FBLN2: variants seen among roughly 807,000 people sequenced by gnomAD.
The protein encoded by FBLN2 is fibulin-2.
A neutral mutation model predicts 123.7 loss-of-function variants in FBLN2; 81 were observed. The observed-to-expected ratio is 0.65, with a 90% CI of 0.55 to 0.79. FBLN2 has a LOEUF of 0.79. Among genes scored for constraint, FBLN2 ranks in the 30% least tolerant of loss-of-function variants. The pLI is 0.00. For missense variants in FBLN2, 1,603 were observed against 1,681.3 expected, an observed-to-expected ratio of 0.95 and a Z score of 0.81; for synonymous variants, 699 against 701.4, an observed-to-expected ratio of 1.00 and a Z score of 0.05.
intron 1 of FBLN2, among the ~76,000 whole-genome samples, chr3:13,563,812 G>A (rs1441740280): frequency 6.6e-6 from 1 of 152,198 alleles, no homozygotes; most frequent in Non-Finnish European, 1.5e-5. Context: ...TATAGAAGAG[G>A]CAGGTCCTAA....
chr3:13,592,018 CTTTTTT>C (rs869103466), intron 2 of FBLN2, among the ~76,000 whole-genome samples: 281 of 131,990 alleles, frequency 2.1e-3, no homozygotes, highest in Middle Eastern at 3.9e-3. Flanking sequence ...CCTCTCTTTT[CTTTTTT>C]TTTTTTTTTT....
intron 15 of FBLN2, 30 bp downstream of exon 15, chr3:13,630,845 C>T: frequency 6.6e-7 from 1 of 1,504,948 alleles, no homozygotes; most frequent in Non-Finnish European, 9.1e-7. Flanking sequence ...GGGCCCCCTT[C>T]CAGAGAGTCA....
At chr3:13,617,035 T>C (rs1368924061) in intron 5 of FBLN2, among the ~76,000 whole-genome samples, 1 of 152,220 alleles carries the variant, frequency 6.6e-6, no homozygotes, top group East Asian at 1.9e-4. Context: ...TTTGTGGATC[T>C]GACCCTGTCC....
intron 1 of FBLN2, among the ~76,000 whole-genome samples, chr3:13,562,111 A>G (rs1703625339): frequency 6.6e-6 from 1 of 152,184 alleles, no homozygotes; most frequent in South Asian, 2.1e-4. Flanking sequence ...CCAGTGAACT[A>G]GATGACTTCC....
At chr3:13,579,176 G>A (rs1704241163) in intron 2 of FBLN2, among the ~76,000 whole-genome samples, 1 of 152,248 alleles carries the variant, frequency 6.6e-6, no homozygotes, top group African/African-American at 2.4e-5. Context: ...CCATCCTAGT[G>A]TGTATGAAAT....
At chr3:13,628,439 G>A (rs572096061) in intron 11 of FBLN2, among the ~76,000 whole-genome samples, 24 of 152,226 alleles carry the variant, frequency 1.6e-4, no homozygotes, top group South Asian at 2.1e-4. Flanking sequence ...ATTCCATGCC[G>A]TACTCGAGGG....
chr3:13,550,416 T>C (rs1037309), intron 1 of FBLN2, among the ~76,000 whole-genome samples: 127,120 of 152,264 alleles, frequency 0.83, 53,274 homozygotes, highest in East Asian at 1. Context: ...TTTGCAGTGA[T>C]CACTTGGGCC....
At chr3:13,600,460 C>T (rs1049637748) in intron 2 of FBLN2, among the ~76,000 whole-genome samples, 1 of 152,026 alleles carries the variant, frequency 6.6e-6, no homozygotes, top group Non-Finnish European at 1.5e-5. Flanking sequence ...AAAGCAGAGC[C>T]ACCTCTCGAG....
intron 2 of FBLN2, among the ~76,000 whole-genome samples, chr3:13,582,232 C>G (rs916642016): frequency 6.6e-6 from 1 of 152,154 alleles, no homozygotes; most frequent in African/African-American, 2.4e-5. Flanking sequence ...ATCCTGTTCA[C>G]GCACCCAGGC....
At chr3:13,607,246 A>G (rs975971744) in intron 2 of FBLN2, among the ~76,000 whole-genome samples, 3 of 152,184 alleles carry the variant, frequency 2.0e-5, no homozygotes, top group South Asian at 4.1e-4. Context: ...TCAGCCTCTC[A>G]AAGTGCTGGG....
chr3:13,574,297 T>C (rs1215393388), intron 2 of FBLN2, among the ~76,000 whole-genome samples: 1 of 152,218 alleles, frequency 6.6e-6, no homozygotes, highest in Non-Finnish European at 1.5e-5. Context: ...CTGAGAGGCC[T>C]TCTGCAGGTC....
chr3:13,600,619 T>C (rs1045393574), intron 2 of FBLN2, among the ~76,000 whole-genome samples: 2 of 149,772 alleles, frequency 1.3e-5, no homozygotes, highest in Non-Finnish European at 3.0e-5. Context: ...TTGTACACTT[T>C]TTTTTTTTTT....
chr3:13,604,873 G>A (rs1254330293), intron 2 of FBLN2, among the ~76,000 whole-genome samples: 2 of 152,230 alleles, frequency 1.3e-5, no homozygotes, highest in Admixed American at 6.5e-5. Context: ...CAACGCAGCC[G>A]ATGACCCTCA....
At chr3:13,568,817 T>C in intron 1 of FBLN2, 1 of 985,632 alleles carries the variant, frequency 1.0e-6, no homozygotes, top group African/African-American at 1.7e-5. Context: ...CTTGGGTTTA[T>C]TATCTGCCCC....
chr3:13,586,937 G>A (rs1198669512), intron 2 of FBLN2, among the ~76,000 whole-genome samples: 1 of 151,474 alleles, frequency 6.6e-6, no homozygotes, highest in African/African-American at 2.4e-5. Flanking sequence ...CTGAGGTCAG[G>A]AGTTTGAGAC....
chr3:13,614,939 T>TCCATCCATCCAC (rs572113819), intron 5 of FBLN2, among the ~76,000 whole-genome samples: 91 of 146,464 alleles, frequency 6.2e-4, no homozygotes, highest in Admixed American at 8.1e-4. Flanking sequence ...CATCCATCCA[T>TCCATCCATCCAC]CCACCCACCC....
intron 9 of FBLN2, among the ~76,000 whole-genome samples, chr3:13,624,892 A>G (rs1212871786): frequency 6.6e-6 from 1 of 152,264 alleles, no homozygotes; most frequent in Non-Finnish European, 1.5e-5. Context: ...AGCCTTCCAC[A>G]CTGGCTTAGC....
intron 10 of FBLN2, 49 bp downstream of exon 10, chr3:13,626,628 T>A: frequency 6.7e-7 from 1 of 1,493,750 alleles, no homozygotes; most frequent in Non-Finnish European, 9.0e-7. Context: ...CCATGGCCAG[T>A]TTTGCCCCGC....
At position 13,573,898 on chromosome 3, in the gene FBLN2, A is replaced by C. The variant is rs1408021776; in HGVS notation, c.1306+2237A>C. ...CTGGGCGACAAGAGTGAAACTCAAA[A>C]AAAAAAAAAAAAAAAAAAGGGAACC... On this transcript the variant is annotated intron_variant, in intron 2 of 17. Coordinates refer to ENST00000404922, the MANE Select transcript of FBLN2 (RefSeq NM_001004019.2). 2.3e-4 allele frequency among the ~76,000 whole-genome samples: 34 copies of C among 150,742 alleles called. No homozygotes were observed. In the South Asian group the frequency reaches 6.9e-3, roughly 31 times the overall value.
Sources: allele counts gnomAD v4.1 joint callset (sites outside exome capture counted in the v4.1 genomes callset), GRCh38; gene constraint gnomAD v4.1.1; transcripts MANE v1.5; gene names NCBI Gene and HGNC (gene_info 2026-07-23, HGNC 2026-07-21).